CNTN5: variants seen among roughly 807,000 people sequenced by gnomAD.
CNTN5 encodes contactin-5.
A neutral mutation model predicts 129.1 loss-of-function variants in CNTN5; 77 were observed. The observed-to-expected ratio is 0.60, with a 90% confidence interval of 0.50 to 0.72. CNTN5 has a LOEUF of 0.72. CNTN5 is among the 30% of genes least tolerant of loss of function. The probability of loss-of-function intolerance (pLI) is 0.00; values close to 1 mark genes in which losing one functional copy is unlikely to be tolerated. For missense variants in CNTN5, 1,478 were observed against 1,328.8 expected (o/e 1.11, Z -1.75); for synonymous variants, 509 against 465.6 (o/e 1.09, Z -1.20).
At position 99,793,482 on chromosome 11, in the gene CNTN5, G is replaced by A. The variant is rs938810147; in HGVS notation, c.56-26062G>A. Among the ~76,000 whole-genome samples the A allele has an allele frequency of 1.8e-4, 27 of 152,102 alleles. 1 individual carries two copies. The highest frequency in any genetic ancestry group is 6.5e-4 in the African/African-American group (27 of 41,472). ...TTTCTTGTCTTCCGCTAGATTTGGG[G>A]GTGATTTGCTGTTGTACTTCTAGTT... On this transcript the variant is annotated intron_variant, in intron 3 of 24. Coordinates refer to ENST00000524871, the MANE Select transcript of CNTN5 (RefSeq NM_014361.4).
intron 16 of CNTN5, among the ~76,000 whole-genome samples, chr11:100,238,480 G>A (rs1949668774): frequency 6.9e-6 from 1 of 144,246 alleles, no homozygotes. Flanking sequence ...AGGAGGAGAA[G>A]CAGAAGCAGC....
At chr11:100,209,503 A>G (rs949570164) in intron 15 of CNTN5, among the ~76,000 whole-genome samples, 2 of 152,192 alleles carry the variant, frequency 1.3e-5, no homozygotes, top group African/African-American at 4.8e-5. Context: ...GAAAATTCTA[A>G]TCACTTTACT....
chr11:99,935,911 C>T (rs1206230686), intron 7 of CNTN5, among the ~76,000 whole-genome samples: 1 of 151,960 alleles, frequency 6.6e-6, no homozygotes. Flanking sequence ...TATTTCCTAG[C>T]CTTTCTTTTA....
At chr11:100,344,318 T>G (rs1952230885) in intron 23 of CNTN5, among the ~76,000 whole-genome samples, 1 of 152,158 alleles carries the variant, frequency 6.6e-6, no homozygotes, top group South Asian at 2.1e-4. Context: ...TGAAACATAA[T>G]AAATGCAGAG....
At chr11:100,213,590 A>C (rs866949343) in intron 15 of CNTN5, among the ~76,000 whole-genome samples, 1 of 152,174 alleles carries the variant, frequency 6.6e-6, no homozygotes, top group Non-Finnish European at 1.5e-5. Flanking sequence ...ACTCACTTTC[A>C]AAATGTCAGT....
intron 13 of CNTN5, among the ~76,000 whole-genome samples, chr11:100,157,962 C>T (rs978801088): frequency 6.6e-6 from 1 of 151,330 alleles, no homozygotes; most frequent in Non-Finnish European, 1.5e-5. Context: ...AATTTTTAAA[C>T]ATGATATTGG....
chr11:99,578,334 G>T (rs1432318273), intron 3 of CNTN5, among the ~76,000 whole-genome samples: 1 of 151,170 alleles, frequency 6.6e-6, no homozygotes, highest in Admixed American at 6.6e-5. Flanking sequence ...AATCCTTTGG[G>T]TATATACCCA....
chr11:99,232,557 T>C (rs1037506363), intron 1 of CNTN5, among the ~76,000 whole-genome samples: 2 of 152,160 alleles, frequency 1.3e-5, no homozygotes, highest in Admixed American at 6.6e-5. Context: ...TTGGGTTTAG[T>C]TGAATGGAGT....
chr11:100,285,326 T>G (rs1446195921), intron 18 of CNTN5, among the ~76,000 whole-genome samples: 4 of 152,192 alleles, frequency 2.6e-5, no homozygotes, highest in Admixed American at 2.0e-4. Flanking sequence ...ATACCCTCAC[T>G]GTGAGAAGTC....
chr11:99,163,457 T>C (rs1234753899), intron 1 of CNTN5, among the ~76,000 whole-genome samples: 1 of 152,122 alleles, frequency 6.6e-6, no homozygotes, highest in East Asian at 1.9e-4. Flanking sequence ...TATTTAATAT[T>C]TAACAATTTC....
intron 2 of CNTN5, among the ~76,000 whole-genome samples, chr11:99,461,133 C>A (rs1479937237): frequency 1.3e-5 from 2 of 151,848 alleles, no homozygotes; most frequent in African/African-American, 2.4e-5. Flanking sequence ...ATATTGTTGG[C>A]TTTATTTATA....
At chr11:100,221,435 G>A (rs959074336) in intron 15 of CNTN5, among the ~76,000 whole-genome samples, 3 of 152,314 alleles carry the variant, frequency 2.0e-5, no homozygotes, top group East Asian at 3.9e-4. Context: ...GCAGTCTTAC[G>A]TTGGATGAGC....
At chr11:99,740,553 T>A (rs72985886) in intron 3 of CNTN5, among the ~76,000 whole-genome samples, 1 of 152,010 alleles carries the variant, frequency 6.6e-6, no homozygotes, top group Non-Finnish European at 1.5e-5. Flanking sequence ...ATCTGGCTCC[T>A]AGGGAGATTT....
chr11:99,112,291 A>G (rs1857836551), intron 1 of CNTN5, among the ~76,000 whole-genome samples: 1 of 152,114 alleles, frequency 6.6e-6, no homozygotes, highest in Admixed American at 6.6e-5. Flanking sequence ...AAACTTCATA[A>G]ATTTTAATGG....
At chr11:99,819,229 C>CCT (rs1234116220) in intron 3 of CNTN5, among the ~76,000 whole-genome samples, 3 of 145,792 alleles carry the variant, frequency 2.1e-5, no homozygotes, top group East Asian at 4.1e-4. Context: ...TTCCTACTTA[C>CCT]CTCTCTCTCT....
chr11:99,915,799 G>T (rs1013074105), intron 6 of CNTN5, among the ~76,000 whole-genome samples: 1 of 152,072 alleles, frequency 6.6e-6, no homozygotes, highest in Non-Finnish European at 1.5e-5. Context: ...ATACTCCCTA[G>T]CATCTATACT....
chr11:99,689,890 G>A (rs185388004), intron 3 of CNTN5, among the ~76,000 whole-genome samples: 153 of 152,098 alleles, frequency 1.0e-3, no homozygotes, highest in African/African-American at 3.5e-3. Flanking sequence ...TTTGATCACT[G>A]TGTTTGATAG....
intron 3 of CNTN5, among the ~76,000 whole-genome samples, chr11:99,632,267 A>G (rs763360837): frequency 2.0e-5 from 3 of 152,186 alleles, no homozygotes; most frequent in Non-Finnish European, 2.9e-5. Flanking sequence ...ATAAAATTAT[A>G]TACTGTAAAT....
At position 99,118,919 on chromosome 11, in the gene CNTN5, G is replaced by A. The variant is rs138565065; in HGVS notation, c.-210+97649G>A. Among the ~76,000 whole-genome samples the A allele has an allele frequency of 2.0e-5, 3 of 151,536 alleles. No individual in the cohort carries two copies. The East Asian group carries it at 5.8e-4, about 30-fold the overall frequency. On this transcript the variant is annotated intron_variant, in intron 1 of 24. Transcript: ENST00000524871. ...ACCATAATTATACCTTAATTATGCT[G>A]TATTTATTATAATTATGTTAGATAA...
Sources: gnomAD v4.1 joint callset for allele counts (sites outside exome capture counted in the v4.1 genomes callset) on GRCh38, gnomAD v4.1.1 for gene constraint, MANE v1.5 for transcripts, NCBI Gene and HGNC (gene_info 2026-07-23, HGNC 2026-07-21) for gene names.